Variants in ATRNL1 observed in about 807,000 individuals in gnomAD.
The protein encoded by ATRNL1 is attractin-like protein 1.
ATRNL1 carries 95 observed loss-of-function variants against 182.7 expected under a neutral mutation model. That is an observed-to-expected ratio of 0.52 (90% CI 0.44 to 0.62). The LOEUF (loss-of-function observed/expected upper bound fraction) is 0.62. Ranked by LOEUF, ATRNL1 falls within the 20% of genes least tolerant of loss-of-function variation. The pLI, the probability that ATRNL1 is intolerant of heterozygous loss-of-function variation, is 0.00. For missense variants in ATRNL1, 1,471 were observed against 1,679.5 expected, an observed-to-expected ratio of 0.88 and a Z score of 2.17; for synonymous variants, 576 against 568.3, an observed-to-expected ratio of 1.01 and a Z score of -0.19.
intron 27 of ATRNL1, among the ~76,000 whole-genome samples, chr10:115,808,469 A>G (rs1468313797): frequency 6.6e-6 from 1 of 152,142 alleles, no homozygotes; most frequent in Non-Finnish European, 1.5e-5. Flanking sequence ...GCTATTATGA[A>G]TAAAAGCTGC....
intron 26 of ATRNL1, among the ~76,000 whole-genome samples, chr10:115,572,957 C>T (rs1459972523): frequency 6.6e-6 from 1 of 152,220 alleles, no homozygotes; most frequent in East Asian, 1.9e-4. Flanking sequence ...TCCAACTCCA[C>T]TGTAGTGTCT....
intron 26 of ATRNL1, among the ~76,000 whole-genome samples, chr10:115,613,616 A>T (rs1006069081): frequency 2.0e-5 from 3 of 152,162 alleles, no homozygotes; most frequent in Non-Finnish European, 4.4e-5. Flanking sequence ...GTTATTTTTT[A>T]AAAGTAGTTT....
intron 28 of ATRNL1, among the ~76,000 whole-genome samples, chr10:115,883,013 T>C (rs933131975): frequency 6.6e-6 from 1 of 152,172 alleles, no homozygotes; most frequent in Non-Finnish European, 1.5e-5. Flanking sequence ...ACCACTGTCA[T>C]GGTCTATCAG....
intron 19 of ATRNL1, among the ~76,000 whole-genome samples, chr10:115,352,822 C>T (rs1375443097): frequency 6.6e-6 from 1 of 152,092 alleles, no homozygotes; most frequent in African/African-American, 2.4e-5. Context: ...ATCACTTAAA[C>T]CTGGGAGGTG....
chr10:115,112,904 T>G (rs909652672), intron 1 of ATRNL1, among the ~76,000 whole-genome samples: 1 of 152,174 alleles, frequency 6.6e-6, no homozygotes, highest in Non-Finnish European at 1.5e-5. Context: ...CTTTCCAATC[T>G]ATGGGTGCCA....
At chr10:115,631,300 T>C (rs1437546910) in intron 26 of ATRNL1, among the ~76,000 whole-genome samples, 6 of 152,092 alleles carry the variant, frequency 3.9e-5, no homozygotes, top group African/African-American at 1.4e-4. Flanking sequence ...ACTATGTATA[T>C]GTATATCAAA....
rs1564728290 is a variant in ATRNL1, at chr10:115,093,411, TCCTCCTGCCGGTCAGGTCCCCTC to T, written c.-339_-317del. 3.7e-6 allele frequency: 1 copy of T among 273,704 alleles called. No homozygotes were observed. The highest frequency in any genetic ancestry group is 6.8e-6 in the Non-Finnish European group (1 of 146,162). The allele number at this position is 273,704 out of a possible 1,614,324, so 17.0% of individuals were successfully genotyped here. ...AGGCGGGGCCGCGCGCGGGGTCCCC[TCCTCCTGCCGGTCAGGTCCCCTC>T]AGGAGCGCCGGGCGCAGTCTGCGCC... On this transcript the variant is annotated 5_prime_UTR_variant, in exon 1 of 29. Coordinates refer to ENST00000355044, the MANE Select transcript of ATRNL1 (RefSeq NM_207303.4). This position sits in a 1 kb window ranked among gnomAD's most constrained non-coding sequence, Gnocchi z 6.1.
intron 26 of ATRNL1, among the ~76,000 whole-genome samples, chr10:115,683,073 GTGTT>G (rs1439726618): frequency 1.3e-5 from 2 of 148,626 alleles, no homozygotes. Flanking sequence ...CATTACTAAA[GTGTT>G]TGTAAAACAA....
At chr10:115,208,351 T>C (rs1328404997) in intron 8 of ATRNL1, among the ~76,000 whole-genome samples, 1 of 152,142 alleles carries the variant, frequency 6.6e-6, no homozygotes, top group Admixed American at 6.6e-5. Flanking sequence ...TTATGAATTA[T>C]ATTTCCTTTG....
intron 21 of ATRNL1, among the ~76,000 whole-genome samples, chr10:115,429,197 TC>T (rs1174057190): frequency 2.2e-4 from 34 of 152,276 alleles, no homozygotes; most frequent in African/African-American, 8.2e-4. Flanking sequence ...ATTGTATTTT[TC>T]AAAATTTTGT....
At chr10:115,188,545 A>C (rs1554889220) in intron 8 of ATRNL1, among the ~76,000 whole-genome samples, 1 of 152,142 alleles carries the variant, frequency 6.6e-6, no homozygotes, top group Non-Finnish European at 1.5e-5. Context: ...AGGTGAGTAT[A>C]ATATTAATGT....
At chr10:115,845,539 C>T (rs529762682) in intron 27 of ATRNL1, among the ~76,000 whole-genome samples, 266 of 152,006 alleles carry the variant, frequency 1.7e-3, no homozygotes, top group African/African-American at 6.2e-3. Flanking sequence ...GAAATATTTT[C>T]TGCTTGTGTT....
intron 26 of ATRNL1, among the ~76,000 whole-genome samples, chr10:115,714,986 G>T (rs556589186): frequency 5.6e-4 from 86 of 152,252 alleles, no homozygotes; most frequent in Non-Finnish European, 1.0e-3. Flanking sequence ...CAGTTGGTTG[G>T]TGAAGCAGAC....
intron 26 of ATRNL1, among the ~76,000 whole-genome samples, chr10:115,651,902 A>G (rs1860032709): frequency 6.6e-6 from 1 of 152,146 alleles, no homozygotes; most frequent in Non-Finnish European, 1.5e-5. Flanking sequence ...TTGGCCAACT[A>G]AAAGATACTT....
chr10:115,407,516 A>G (rs577309554), intron 20 of ATRNL1, among the ~76,000 whole-genome samples: 4 of 151,928 alleles, frequency 2.6e-5, no homozygotes, highest in African/African-American at 9.6e-5. Flanking sequence ...ATTTCACTTC[A>G]TGTAATGTCT....
At chr10:115,302,609 C>T (rs1205073600) in intron 17 of ATRNL1, among the ~76,000 whole-genome samples, 1 of 152,144 alleles carries the variant, frequency 6.6e-6, no homozygotes, top group East Asian at 1.9e-4. Flanking sequence ...CAGGGCAGTA[C>T]TGGGCTTGCT....
Position 115,273,159 on chromosome 10 carries a change from C to A in ATRNL1, c.2100+4715C>A, listed in dbSNP as rs939451608. ...ATTGGGTACTCAGCAGTGGTCATAG[C>A]CAGGTTGGCCTCGGTGGATGGAAGT... On this transcript the variant is annotated intron_variant, in intron 13 of 28. Transcript: ENST00000355044. 2.0e-5 allele frequency among the ~76,000 whole-genome samples: 3 copies of A among 152,072 alleles called. No individual in the cohort carries two copies. In the East Asian group the frequency reaches 5.8e-4, roughly 29 times the overall value.
In ATRNL1 at chr10:115,502,360, T is replaced by C; in HGVS notation, c.3655-16903T>C. On this transcript the variant is annotated intron_variant, in intron 24 of 28. Transcript: ENST00000355044. The stretch of plus-strand genomic sequence containing the variant: ...TAATTTATAATTTGATTTTGGAAAG[T>C]TTGTTAAATATCAAAGGTTTAAAAC... Among the ~76,000 whole-genome samples, 3 of 152,192 alleles carry C rather than the reference T, an allele frequency of 2.0e-5. No homozygotes were observed. In the South Asian group the frequency reaches 6.2e-4, roughly 32 times the overall value.
At chr10:115,677,580 GCTT>G (rs1565276140) in intron 26 of ATRNL1, among the ~76,000 whole-genome samples, 1 of 151,990 alleles carries the variant, frequency 6.6e-6, no homozygotes, top group African/African-American at 2.4e-5. Context: ...TTCTGCTTTT[GCTT>G]CTTCCTCATT....
Sources: allele counts gnomAD v4.1 joint callset (sites outside exome capture counted in the v4.1 genomes callset), GRCh38; gene constraint gnomAD v4.1.1; non-coding constraint Gnocchi (gnomAD v3.1); transcripts MANE v1.5; gene names NCBI Gene and HGNC (gene_info 2026-07-23, HGNC 2026-07-21).